Variants in ABCD2 observed in about 807,000 individuals in gnomAD.
ABCD2 encodes ATP-binding cassette sub-family D member 2.
ABCD2 carries 36 observed loss-of-function variants against 70.9 expected under a neutral mutation model. The observed-to-expected ratio is 0.51, with a 90% CI of 0.39 to 0.67. The LOEUF (loss-of-function observed/expected upper bound fraction) is 0.67. Ranked by LOEUF, ABCD2 falls within the 30% of genes least tolerant of loss-of-function variation. The pLI is 0.00. For missense variants in ABCD2, 729 were observed against 890.2 expected (o/e 0.82, Z 2.30); for synonymous variants, 304 against 306.9 (o/e 0.99, Z 0.10).
chr12:39,598,461 C>T (rs1041458269), intron 6 of ABCD2, among the ~76,000 whole-genome samples: 14 of 152,192 alleles, frequency 9.2e-5, no homozygotes, highest in Non-Finnish European at 1.9e-4. Context: ...AGTGCAGTGG[C>T]GCCATCTCAG....
rs1048815534 is a variant in ABCD2, at chr12:39,565,376, G to A, written c.2003+8340C>T. On this transcript the variant is annotated intron_variant, in intron 9 of 9. Coordinates refer to ENST00000308666, the MANE Select transcript of ABCD2 (RefSeq NM_005164.4). ...TGTAAGTTGGATTCCTAGGTATTTT[G>A]TTCTCTTGGAAGCAATTGTGAATGG... is the stretch of plus-strand genomic sequence containing the variant. Among the ~76,000 whole-genome samples, 6 of 152,126 alleles carry A rather than the reference G, an allele frequency of 3.9e-5. No homozygotes were observed. In the South Asian group the frequency reaches 8.3e-4, roughly 21 times the overall value.
chr12:39,604,603 C>T (rs1437371896), intron 4 of ABCD2, among the ~76,000 whole-genome samples, 159 bp downstream of exon 4: 1 of 151,726 alleles, frequency 6.6e-6, no homozygotes, highest in Non-Finnish European at 1.5e-5. Context: ...TAGTCACCAC[C>T]CCTCAAATTG....
At chr12:39,610,173 A>G (rs1001668334) in intron 2 of ABCD2, among the ~76,000 whole-genome samples, 13 of 152,176 alleles carry the variant, frequency 8.5e-5, no homozygotes, top group African/African-American at 3.1e-4. Flanking sequence ...TTGAATGACA[A>G]ACTGGTTAAG....
rs1941947860 is a variant in ABCD2, at chr12:39,604,767, A to C, written c.1400T>G (p.Ile467Ser). Residue 467 changes from isoleucine to serine, a missense_variant, in exon 4 of 10, where the codon ATT becomes AGT. By Grantham distance (142) the Ile-to-Ser change is moderately radical (BLOSUM62 -2). Transcript: ENST00000308666. ...AAAGCACTTGAGTTTAATACCTTTA[A>C]TTGCCAATGTGTCACTGAGAGGTAA... ...VELPLSDTLA[I>S]KGKVIDVDHG... is the part of the protein sequence containing the mutation. 1 of 1,590,630 alleles carries C rather than the reference A, an allele frequency of 6.3e-7. No individual in the cohort carries two copies. Among genetic ancestry groups the C allele is most frequent in the Non-Finnish European group, 8.5e-7 (1 of 1,172,588 alleles).
chr12:39,566,435 T>C (rs7316073), intron 9 of ABCD2, among the ~76,000 whole-genome samples: 39,481 of 152,072 alleles, frequency 0.26, 5,337 homozygotes, highest in South Asian at 0.44. Context: ...TTATAGTGTT[T>C]GCTGATGGTA....
chr12:39,537,245 T>A, the ABCD2 span, among the ~76,000 whole-genome samples: 1 of 152,164 alleles, frequency 6.6e-6, no homozygotes, highest in African/African-American at 2.4e-5. Flanking sequence ...ACTGAACTCA[T>A]CTTCCCCCTA....
the ABCD2 span, among the ~76,000 whole-genome samples, chr12:39,532,758 C>T: frequency 6.6e-6 from 1 of 151,998 alleles, no homozygotes; most frequent in South Asian, 2.1e-4. Flanking sequence ...AAGTTAGAAA[C>T]AAATGTTTTA....
intron 1 of ABCD2, 130 bp downstream of exon 1, chr12:39,618,547 G>T (rs1008683523): frequency 1.3e-6 from 1 of 771,122 alleles, no homozygotes; most frequent in Admixed American, 2.8e-5. Context: ...TTTAATTCAG[G>T]TTTAGATGTC....
intron 3 of ABCD2, among the ~76,000 whole-genome samples, chr12:39,605,273 G>T (rs1941954097): frequency 6.6e-6 from 1 of 151,984 alleles, no homozygotes; most frequent in South Asian, 2.1e-4. Context: ...GTCATTCAAT[G>T]AAATTATAAT....
In ABCD2 at chr12:39,576,610, T is replaced by C. The variant is rs182029700; in HGVS notation, c.1878-2769A>G. 2.3e-3 allele frequency among the ~76,000 whole-genome samples: 347 copies of C among 152,316 alleles called. 1 individual carries two copies. Among genetic ancestry groups the C allele is most frequent in the South Asian group, 5.6e-3 (27 of 4,826 alleles). ...AATGTACATTATTATAAATAACATG[T>C]TATGAACACAACTAATAATTTTTCT... On this transcript the variant is annotated intron_variant, in intron 8 of 9. Transcript: ENST00000308666.
At chr12:39,540,889 A>C in the ABCD2 span, among the ~76,000 whole-genome samples, 3 of 152,210 alleles carry the variant, frequency 2.0e-5, no homozygotes, top group Admixed American at 2.0e-4. Flanking sequence ...AAATGTATAA[A>C]ACCAAGCTGC....
intron 5 of ABCD2, among the ~76,000 whole-genome samples, chr12:39,602,642 A>T (rs1180520483): frequency 6.6e-6 from 1 of 152,178 alleles, no homozygotes; most frequent in Non-Finnish European, 1.5e-5. Flanking sequence ...ACTAATGCAT[A>T]TCTTTGTACA....
At chr12:39,599,826 C>T (rs912162773) in intron 6 of ABCD2, among the ~76,000 whole-genome samples, 1 of 152,142 alleles carries the variant, frequency 6.6e-6, no homozygotes, top group Non-Finnish European at 1.5e-5. Context: ...CAAAACAGTC[C>T]TCTGACATAG....
At chr12:39,565,548 C>G (rs1014072426) in intron 9 of ABCD2, among the ~76,000 whole-genome samples, 2 of 152,126 alleles carry the variant, frequency 1.3e-5, no homozygotes, top group African/African-American at 2.4e-5. Context: ...ATGGGGTTTT[C>G]TAGGTATTCA....
At chr12:39,580,124 G>C (rs1490431485) in intron 7 of ABCD2, among the ~76,000 whole-genome samples, 1 of 152,156 alleles carries the variant, frequency 6.6e-6, no homozygotes, top group African/African-American at 2.4e-5. Context: ...AGTTCATGGA[G>C]TAATCGACAT....
At chr12:39,603,230 T>C (rs959097683) in intron 5 of ABCD2, among the ~76,000 whole-genome samples, 1 of 152,158 alleles carries the variant, frequency 6.6e-6, no homozygotes, top group African/African-American at 2.4e-5. Flanking sequence ...CATTTCTTTG[T>C]TTGAACTAAG....
At chr12:39,538,158 AT>A in the ABCD2 span, among the ~76,000 whole-genome samples, 1 of 140,104 alleles carries the variant, frequency 7.1e-6, no homozygotes, top group African/African-American at 2.7e-5. Context: ...GTGTACTTTC[AT>A]TTTCTTTCTT....
intron 2 of ABCD2, among the ~76,000 whole-genome samples, chr12:39,616,124 C>T (rs949500320): frequency 2.0e-5 from 3 of 152,146 alleles, no homozygotes; most frequent in Non-Finnish European, 4.4e-5. Flanking sequence ...GAACAAAACT[C>T]TGTTTCACTA....
At chr12:39,546,396 G>A (rs1941025743), downstream of ABCD2, among the ~76,000 whole-genome samples, 1 of 151,944 alleles carries the variant, frequency 6.6e-6, no homozygotes, top group Admixed American at 6.6e-5. Context: ...ATTGTTCTAG[G>A]TGCCATGAAT....
Sources: gnomAD v4.1 joint callset for allele counts (sites outside exome capture counted in the v4.1 genomes callset) on GRCh38, gnomAD v4.1.1 for gene constraint, MANE v1.5 for transcripts, NCBI Gene and HGNC (gene_info 2026-07-23, HGNC 2026-07-21) for gene names.